KCTD16: variants seen among roughly 807,000 people sequenced by gnomAD.
KCTD16 encodes potassium channel tetramerization domain containing 16, also known as BTB/POZ domain-containing protein KCTD16.
In KCTD16, 13 loss-of-function variants were observed where a neutral mutation model predicts 33.2. The observed-to-expected ratio is 0.39, with a 90% CI of 0.25 to 0.62. KCTD16 has a LOEUF of 0.62. Ranked by LOEUF, KCTD16 falls within the 20% of genes least tolerant of loss-of-function variation. KCTD16 has a pLI of 0.50. For missense variants in KCTD16, 441 were observed against 525.1 expected (o/e 0.84, Z 1.57); for synonymous variants, 197 against 195.3 (o/e 1.01, Z -0.07).
At chr5:144,427,710 A>G (rs1239231606) in intron 3 of KCTD16, among the ~76,000 whole-genome samples, 1 of 152,122 alleles carries the variant, frequency 6.6e-6, no homozygotes. Context: ...GGTGCCTTCC[A>G]GGTGATTCGA....
chr5:144,387,945 C>T (rs960938017), intron 3 of KCTD16, among the ~76,000 whole-genome samples: 1 of 151,434 alleles, frequency 6.6e-6, no homozygotes, highest in African/African-American at 2.4e-5. Flanking sequence ...TAGTAAGAAG[C>T]AGAGCTAGCA....
At chr5:144,324,582 C>CAGTATATACTGTATATAA (rs1477182531) in intron 3 of KCTD16, among the ~76,000 whole-genome samples, 1 of 152,172 alleles carries the variant, frequency 6.6e-6, no homozygotes, top group Admixed American at 6.5e-5. Context: ...TGGTTATATA[C>CAGTATATACTGTATATAA]CCAAAGGAAT....
chr5:144,299,108 A>ATTTTTG (rs61318883), intron 3 of KCTD16, among the ~76,000 whole-genome samples: 3 of 10,512 alleles, frequency 2.9e-4, no homozygotes, highest in Non-Finnish European at 4.8e-4. Context: ...ATATATATAT[A>ATTTTTG]TATATATATA....
At chr5:144,245,329 A>G (rs555340350) in intron 3 of KCTD16, among the ~76,000 whole-genome samples, 2 of 152,352 alleles carry the variant, frequency 1.3e-5, no homozygotes, top group South Asian at 4.1e-4. Context: ...GAGGGAATAG[A>G]GGGTTTAACC....
intron 3 of KCTD16, among the ~76,000 whole-genome samples, chr5:144,312,290 C>T (rs1751787652): frequency 1.3e-5 from 2 of 152,132 alleles, no homozygotes; most frequent in Admixed American, 1.3e-4. Flanking sequence ...GTGCTTGGCC[C>T]CATTAGTAAT....
chr5:144,380,113 C>T (rs867233502), intron 3 of KCTD16, among the ~76,000 whole-genome samples: 14 of 152,134 alleles, frequency 9.2e-5, no homozygotes, highest in Middle Eastern at 3.4e-3. Flanking sequence ...ACCAAAGGGT[C>T]CTATAAATGA....
chr5:144,447,076 G>T (rs190538656), intron 3 of KCTD16, among the ~76,000 whole-genome samples: 1 of 152,168 alleles, frequency 6.6e-6, no homozygotes, highest in African/African-American at 2.4e-5. Context: ...CAAAGGATTA[G>T]AAATCATTCT....
At chr5:144,185,671 A>G (rs990086879) in intron 2 of KCTD16, among the ~76,000 whole-genome samples, 2 of 152,226 alleles carry the variant, frequency 1.3e-5, no homozygotes, top group Admixed American at 6.5e-5. Flanking sequence ...GTATTACTAG[A>G]CACCCATTTA....
intron 3 of KCTD16, among the ~76,000 whole-genome samples, chr5:144,437,296 T>C: frequency 6.6e-6 from 1 of 152,158 alleles, no homozygotes; most frequent in Admixed American, 6.5e-5. Flanking sequence ...GGAGTAAATG[T>C]CCCATTGGGC....
intron 3 of KCTD16, among the ~76,000 whole-genome samples, chr5:144,299,491 G>T (rs187345856): frequency 6.6e-6 from 1 of 151,808 alleles, no homozygotes; most frequent in Admixed American, 6.6e-5. Context: ...TTTTCCATGG[G>T]AGTAATTGGG....
At chr5:144,205,933 G>C (rs1032643204) in intron 2 of KCTD16, 1 of 178,220 alleles carries the variant, frequency 5.6e-6, no homozygotes, top group African/African-American at 2.3e-5. Context: ...TCGTTTACCT[G>C]TTTGGGATTT....
intron 1 of KCTD16, among the ~76,000 whole-genome samples, chr5:144,173,409 TTATAAG>T (rs1752435879): frequency 6.6e-6 from 1 of 152,146 alleles, no homozygotes; most frequent in South Asian, 2.1e-4. Flanking sequence ...CATATTCTCC[TTATAAG>T]TATGAGCTAA....
intron 3 of KCTD16, among the ~76,000 whole-genome samples, chr5:144,261,186 A>G (rs6898759): frequency 7.0e-6 from 1 of 142,322 alleles, no homozygotes; most frequent in African/African-American, 2.6e-5. Flanking sequence ...AAAAAAAAAG[A>G]AAAAAAAAAA....
At chr5:144,415,671 A>G (rs978589655) in intron 3 of KCTD16, among the ~76,000 whole-genome samples, 3 of 152,210 alleles carry the variant, frequency 2.0e-5, no homozygotes, top group African/African-American at 7.2e-5. Context: ...TCTCTGAGAA[A>G]CAGGGTCAAT....
chr5:144,463,266 G>T (rs1362767527), intron 3 of KCTD16, among the ~76,000 whole-genome samples: 3 of 152,076 alleles, frequency 2.0e-5, no homozygotes, highest in African/African-American at 7.2e-5. Context: ...TGAGTAGACT[G>T]CCTATTGAAA....
intron 3 of KCTD16, among the ~76,000 whole-genome samples, chr5:144,340,712 C>T (rs956645801): frequency 1.3e-5 from 2 of 152,024 alleles, no homozygotes; most frequent in African/African-American, 2.4e-5. Flanking sequence ...GAGGACACAG[C>T]GAAAAGGTGG....
chr5:144,304,617 G>A lies in KCTD16; in HGVS notation c.832+97071G>A, dbSNP rs920344108. Among the ~76,000 whole-genome samples, 12 of 152,140 alleles carry A rather than the reference G, an allele frequency of 7.9e-5. 1 individual carries two copies. The highest frequency in any genetic ancestry group is 7.2e-4 in the Admixed American group (11 of 15,276). On this transcript the variant is annotated intron_variant, in intron 3 of 3. Transcript: ENST00000512467. ...TAAAAACATTATATGGAAGAAGTGA[G>A]TTCAAAGGAAAGTAATGGAGACATG...
At chr5:144,356,495 C>T (rs1751574665) in intron 3 of KCTD16, among the ~76,000 whole-genome samples, 1 of 152,066 alleles carries the variant, frequency 6.6e-6, no homozygotes, top group Non-Finnish European at 1.5e-5. Context: ...CAGAAAGATT[C>T]TGAAAGGTCA....
chr5:144,466,960 ATATATAT>A (rs1754345999), intron 3 of KCTD16, among the ~76,000 whole-genome samples: 1 of 131,894 alleles, frequency 7.6e-6, no homozygotes, highest in Non-Finnish European at 1.6e-5. Context: ...TATATATATT[ATATATAT>A]TATATATAAT....
Sources: gnomAD v4.1 joint callset for allele counts (sites outside exome capture counted in the v4.1 genomes callset) on GRCh38, gnomAD v4.1.1 for gene constraint, MANE v1.5 for transcripts, NCBI Gene and HGNC (gene_info 2026-07-23, HGNC 2026-07-21) for gene names.